SCAI: variants seen among roughly 807,000 people sequenced by gnomAD.
The protein encoded by SCAI is protein SCAI.
Under a neutral mutation model 92.2 loss-of-function variants are expected in SCAI, and 24 were observed. The ratio of observed to expected loss-of-function variants is 0.26; its 90% CI spans 0.19 to 0.37. The LOEUF is 0.37. SCAI is among the 10% of genes least tolerant of loss of function. SCAI has a pLI of 1.00. For synonymous variants in SCAI, 261 were observed against 258.6 expected (o/e 1.01, Z -0.09); for missense variants, 450 against 736.2 (o/e 0.61, Z 4.50).
chr9:125,110,560 G>A (rs1387759858), intron 2 of SCAI, among the ~76,000 whole-genome samples: 1 of 152,142 alleles, frequency 6.6e-6, no homozygotes, highest in Non-Finnish European at 1.5e-5. Context: ...GATCATGGGG[G>A]TAGTTCCTCA....
At chr9:124,976,253 C>T in intron 14 of SCAI, 67 bp from the exon 15 acceptor site, 9 of 1,150,074 alleles carry the variant, frequency 7.8e-6, no homozygotes, top group Non-Finnish European at 1.0e-5. Context: ...TAGTAATTTT[C>T]CAAAGCATAT....
chr9:125,045,723 C>T (rs1833420689), intron 3 of SCAI, among the ~76,000 whole-genome samples: 2 of 152,146 alleles, frequency 1.3e-5, no homozygotes, highest in South Asian at 4.1e-4. Flanking sequence ...TAGCACTTCT[C>T]AAATTATAAT....
intron 17 of SCAI, among the ~76,000 whole-genome samples, chr9:124,953,824 T>C (rs975554853): frequency 5.9e-5 from 9 of 152,208 alleles, no homozygotes; most frequent in African/African-American, 2.2e-4. Flanking sequence ...AGTTCATACA[T>C]ACAAATGTTA....
At chr9:125,085,366 A>G (rs970845410) in intron 2 of SCAI, among the ~76,000 whole-genome samples, 1 of 152,172 alleles carries the variant, frequency 6.6e-6, no homozygotes, top group African/African-American at 2.4e-5. Context: ...GTGCACCTGT[A>G]GTCACAGCTA....
chr9:125,025,352 T>G (rs1832947815), intron 6 of SCAI, among the ~76,000 whole-genome samples: 1 of 152,250 alleles, frequency 6.6e-6, no homozygotes, highest in Admixed American at 6.5e-5. Flanking sequence ...TGTTTGTTAT[T>G]AAGGCATAAA....
At chr9:125,004,761 ATATATATATATATATATATTTTTTTTT>A (rs1832452955) in intron 9 of SCAI, among the ~76,000 whole-genome samples, 7 of 9,054 alleles carry the variant, frequency 7.7e-4, no homozygotes, top group Admixed American at 2.9e-3. Context: ...ATATATATAT[ATATATATATATATATATATTTTTTTTT>A]TTTTTTTTTT....
intron 3 of SCAI, among the ~76,000 whole-genome samples, chr9:125,046,887 G>T (rs1436210282): frequency 1.3e-5 from 2 of 151,726 alleles, no homozygotes; most frequent in Non-Finnish European, 2.9e-5. Flanking sequence ...TATTATAATA[G>T]AATATATTCA....
At chr9:124,956,832 C>T (rs767893997) in intron 17 of SCAI, among the ~76,000 whole-genome samples, 4 of 151,858 alleles carry the variant, frequency 2.6e-5, no homozygotes, top group Admixed American at 6.6e-5. Flanking sequence ...GCACTAATAA[C>T]AAGAAAAGGC....
intron 2 of SCAI, among the ~76,000 whole-genome samples, chr9:125,108,448 C>A (rs1299452133): frequency 6.6e-5 from 10 of 151,572 alleles, no homozygotes; most frequent in Non-Finnish European, 1.3e-4. Context: ...CCTGGCCGCC[C>A]ATCGTCTGAG....
Position 125,066,144 on chromosome 9 carries a change from A to G in SCAI, c.99-10137T>C, listed in dbSNP as rs149088785. On this transcript the variant is annotated intron_variant, in intron 2 of 17. Transcript: ENST00000336505. Reference sequence around the variant, plus strand: ...ATGAACATTTCCATAGAAATTTCAAAAGAATCTATATGTAATTATCAGAAT... The same window carrying G: ...ATGAACATTTCCATAGAAATTTCAAGAGAATCTATATGTAATTATCAGAAT... The G allele has an allele frequency of 5.0e-5, 31 of 619,604 alleles. 1 individual carries two copies. In the East Asian group the frequency reaches 8.8e-4, roughly 18 times the overall value. The allele number at this position is 619,604 out of a possible 1,614,324, so 38.4% of individuals were successfully genotyped here. A position where few individuals can be genotyped will look rare whatever the true frequency, so the allele number is the denominator to read the frequency against.
At chr9:125,008,135 G>A (rs1056669449) in intron 9 of SCAI, among the ~76,000 whole-genome samples, 4 of 150,202 alleles carry the variant, frequency 2.7e-5, no homozygotes, top group East Asian at 2.0e-4. Flanking sequence ...GTGAGCCACC[G>A]TGCCCGGCCC....
In SCAI at chr9:125,130,936, CTTTTT is replaced by C. The variant is rs545651994; in HGVS notation, c.98+11692_98+11696del. 3.2e-4 allele frequency among the ~76,000 whole-genome samples: 25 copies of C among 77,288 alleles called. No individual in the cohort carries two copies. The South Asian group carries it at 9.2e-3, about 29-fold the overall frequency. 50.7% of individuals were successfully genotyped at this position (77,288 alleles called of 152,430 possible). On this transcript the variant is annotated intron_variant, in intron 2 of 17. Transcript: ENST00000336505. ...CTTATCTGGATCTTGGTTTGAACCGCTTTTTTTTTTTTTTTTTTTTTTTTTTGGAG... is the reference window on the plus strand; with the variant it reads ...CTTATCTGGATCTTGGTTTGAACCGCTTTTTTTTTTTTTTTTTTTTTGGAG...
chr9:124,957,432 G>A lies in SCAI; in HGVS notation c.1675-4479C>T, dbSNP rs1239042873. ...GGCTGGAGTGCAGTGGTGCAATCTCGGCTCATTGCAACCTCCGCCTCCCAG... is the reference window on the plus strand; with the variant it reads ...GGCTGGAGTGCAGTGGTGCAATCTCAGCTCATTGCAACCTCCGCCTCCCAG... On this transcript the variant is annotated intron_variant, in intron 17 of 17. Transcript: ENST00000336505. Among the ~76,000 whole-genome samples, 10 of 151,468 alleles carry A rather than the reference G, an allele frequency of 6.6e-5. No individual in the cohort carries two copies. The East Asian group carries it at 1.4e-3, about 21-fold the overall frequency.
chr9:125,046,118 A>T (rs1833427872), intron 3 of SCAI, among the ~76,000 whole-genome samples: 1 of 145,602 alleles, frequency 6.9e-6, no homozygotes, highest in Admixed American at 6.9e-5. Context: ...CATGGTTATA[A>T]TGGCACAATT....
At chr9:125,019,029 C>T (rs1832818472) in intron 8 of SCAI, 78 bp from the exon 9 acceptor site, 1 of 1,528,886 alleles carries the variant, frequency 6.5e-7, no homozygotes, top group Non-Finnish European at 9.0e-7. Flanking sequence ...TTCTTCTTGA[C>T]ATATACACAC....
rs1392581699 is a variant in SCAI at position 124,946,189 on chromosome 9, GGTTATT to G, written c.*6612_*6617del. 12 of 151,954 alleles carry G rather than the reference GGTTATT, an allele frequency of 7.9e-5. No individual in the cohort carries two copies. The highest frequency in any genetic ancestry group is 2.2e-4 in the African/African-American group (9 of 41,366). The allele number at this position is 151,954 out of a possible 1,614,324, so 9.4% of individuals were successfully genotyped here. A position where few individuals can be genotyped will look rare whatever the true frequency, so the allele number is the denominator to read the frequency against. ...CTCTCCAGTGCAAAAACAATGATTTGGTTATTCAAACAACAAACCATCAGATCCTAT... is the reference window on the plus strand; with the variant it reads ...CTCTCCAGTGCAAAAACAATGATTTGCAAACAACAAACCATCAGATCCTAT... On this transcript the variant is annotated 3_prime_UTR_variant, in exon 18 of 18. Coordinates refer to ENST00000336505, the MANE Select transcript of SCAI (RefSeq NM_001144877.3). This position sits in a 1 kb window ranked among gnomAD's most constrained non-coding sequence, Gnocchi z 4.0.
At chr9:125,073,895 CT>C (rs1834031762) in intron 2 of SCAI, among the ~76,000 whole-genome samples, 1 of 152,006 alleles carries the variant, frequency 6.6e-6, no homozygotes, top group African/African-American at 2.4e-5. Context: ...GGCTTCTATT[CT>C]TCCTATTCTT....
chr9:125,137,989 A>G (rs971136404), intron 2 of SCAI, among the ~76,000 whole-genome samples: 6 of 152,198 alleles, frequency 3.9e-5, no homozygotes, highest in Non-Finnish European at 7.3e-5. Flanking sequence ...ATTTTACTCC[A>G]GAAAACTCAG....
In SCAI at chr9:124,951,753, T is replaced by C. The variant is rs1343614968; in HGVS notation, c.*1054A>G. The C allele has an allele frequency of 2.0e-5, 3 of 152,016 alleles. No individual in the cohort carries two copies. Among genetic ancestry groups the C allele is most frequent in the Admixed American group, 6.6e-5 (1 of 15,264 alleles). 9.4% of individuals were successfully genotyped at this position (152,016 alleles called of 1,614,324 possible). ...GGAAGGAAAACACAAAAAAGAAAAATCTTTATAATATACACTGAGTCCTAT... is the reference window on the plus strand; with the variant it reads ...GGAAGGAAAACACAAAAAAGAAAAACCTTTATAATATACACTGAGTCCTAT... On this transcript the variant is annotated 3_prime_UTR_variant, in exon 18 of 18. Coordinates refer to ENST00000336505, the MANE Select transcript of SCAI (RefSeq NM_001144877.3).
Sources: gnomAD v4.1 joint callset for allele counts (sites outside exome capture counted in the v4.1 genomes callset) on GRCh38, gnomAD v4.1.1 for gene constraint, Gnocchi (gnomAD v3.1) non-coding constraint, MANE v1.5 for transcripts, NCBI Gene and HGNC (gene_info 2026-07-23, HGNC 2026-07-21) for gene names.